Variants in MRC2 observed in about 807,000 individuals in gnomAD.
MRC2 encodes the protein C-type mannose receptor 2.
MRC2 carries 84 observed loss-of-function variants against 206.2 expected under a neutral mutation model. The ratio of observed to expected loss-of-function variants is 0.41; its 90% CI spans 0.34 to 0.49. The LOEUF (loss-of-function observed/expected upper bound fraction) is 0.49. Among genes scored for constraint, MRC2 ranks in the 20% least tolerant of loss-of-function variants. The pLI is 0.31. For missense variants in MRC2, 1,676 were observed against 2,001.5 expected, an observed-to-expected ratio of 0.84 and a Z score of 3.10; for synonymous variants, 798 against 800.0, an observed-to-expected ratio of 1.00 and a Z score of 0.04.
chr17:62,665,703 C>T (rs2088743962), intron 2 of MRC2, among the ~76,000 whole-genome samples: 2 of 152,108 alleles, frequency 1.3e-5, no homozygotes, highest in South Asian at 4.1e-4. Flanking sequence ...GGGGGCCTTT[C>T]CTGGGAGACC....
chr17:62,676,292 G>A, intron 10 of MRC2, 91 bp from the exon 11 acceptor site: 1 of 1,519,992 alleles, frequency 6.6e-7, no homozygotes, highest in Non-Finnish European at 8.8e-7. Flanking sequence ...GTCGGGTGCA[G>A]CACCCGAGCT....
At position 62,643,193 on chromosome 17, in the gene MRC2, C is replaced by T. The variant is rs146142175; in HGVS notation, c.118+15273C>T. The stretch of plus-strand genomic sequence containing the variant: ...AAATACAAAAATTAGCTGGGCATGG[C>T]GGCAGGTGCCTGTAATCTCAGCTAC... On this transcript the variant is annotated intron_variant, in intron 1 of 29. Transcript: ENST00000303375. Among the ~76,000 whole-genome samples, 160 of 151,802 alleles carry T rather than the reference C, an allele frequency of 1.1e-3. 1 individual carries two copies. Among genetic ancestry groups the T allele is most frequent in the African/African-American group, 3.5e-3 (145 of 41,390 alleles).
chr17:62,680,340 T>A lies in MRC2; in HGVS notation c.2437+32T>A. The A allele has an allele frequency of 6.2e-7, 1 of 1,613,306 alleles. No homozygotes were observed. The highest frequency in any genetic ancestry group is 8.5e-7 in the Non-Finnish European group (1 of 1,179,618). On this transcript the variant is annotated intron_variant, in intron 15 of 29. Coordinates refer to ENST00000303375, the MANE Select transcript of MRC2 (RefSeq NM_006039.5). This position sits in a 1 kb window ranked among gnomAD's most constrained non-coding sequence, Gnocchi z 4.8. ...CGGAGTGGCGCTGGGGGACGCGGGA[T>A]GGAGCGAAGGGTGGCGGGGCCAGGA... is the stretch of plus-strand genomic sequence containing the variant.
In MRC2 at chr17:62,643,344, A is replaced by AAAAAAAG. The variant is rs1192303393; in HGVS notation, c.118+15427_118+15428insAAAGAAA. On this transcript the variant is annotated intron_variant, in intron 1 of 29. Transcript: ENST00000303375. ...AACTCCGTCAAAAAAAAAAAAAAAA[A>AAAAAAAG]AAAGAAAAAGAAAAGAAAAAAGAAA... Among the ~76,000 whole-genome samples the AAAAAAAG allele has an allele frequency of 1.1e-4, 16 of 149,932 alleles. No individual in the cohort carries two copies. In the South Asian group the frequency reaches 3.4e-3, roughly 31 times the overall value.
At chr17:62,650,723 G>A (rs552763683) in intron 1 of MRC2, among the ~76,000 whole-genome samples, 5 of 152,298 alleles carry the variant, frequency 3.3e-5, no homozygotes, top group African/African-American at 4.8e-5. Context: ...GCCTGGACGC[G>A]CATGGTTAAT....
chr17:62,678,303 C>T (rs571171119), intron 12 of MRC2, among the ~76,000 whole-genome samples: 6 of 152,308 alleles, frequency 3.9e-5, no homozygotes, highest in Admixed American at 3.3e-4. Flanking sequence ...GGATGGGGCT[C>T]AGGGGCCCTC....
intron 1 of MRC2, among the ~76,000 whole-genome samples, chr17:62,656,938 C>T (rs1395238523): frequency 6.6e-6 from 1 of 152,198 alleles, no homozygotes; most frequent in Admixed American, 6.5e-5. Flanking sequence ...TCGTAGGAAG[C>T]ATGGCCATTG....
intron 12 of MRC2, among the ~76,000 whole-genome samples, chr17:62,677,886 C>A (rs1352997956): frequency 6.6e-6 from 1 of 152,060 alleles, no homozygotes; most frequent in Non-Finnish European, 1.5e-5. Context: ...CCCATCTCTA[C>A]TAAAATACAA....
At chr17:62,690,522 A>C (rs1206794279) in intron 26 of MRC2, 120 bp from the exon 27 acceptor site, 1 of 1,460,706 alleles carries the variant, frequency 6.8e-7, no homozygotes, top group Non-Finnish European at 9.2e-7. Context: ...ACACACATGA[A>C]TCCACAGACT....
rs145186635 is a variant in MRC2, at chr17:62,646,772, C to T, written c.119-17776C>T. 5.1e-3 allele frequency among the ~76,000 whole-genome samples: 770 copies of T among 152,304 alleles called. 3 individuals carry two copies. Among genetic ancestry groups the T allele is most frequent in the African/African-American group, 0.017 (693 of 41,570 alleles). ...ACTCTGCATATATGAGTTCAAGTCC[C>T]GCAGGGTTAAGTTTGAAACAAAGGA... On this transcript the variant is annotated intron_variant, in intron 1 of 29. Coordinates refer to ENST00000303375, the MANE Select transcript of MRC2 (RefSeq NM_006039.5).
chr17:62,690,202 G>A lies in MRC2; in HGVS notation c.3789G>A (p.Gln1263=), dbSNP rs2089089171. ...TAAGCTACCATGGCAGCTGTCCCCA[G>A]GGACTGGCAGACTCCGCGTGGATTC... ...RRISYHGSCP[Q]GLADSAWIPF... The change falls in exon 26 of 30, where the codon CAG becomes CAA. Residue 1263 remains glutamine (Q), a synonymous_variant. Transcript: ENST00000303375. 3.1e-6 allele frequency: 5 copies of A among 1,612,042 alleles called. No individual in the cohort carries two copies. Among genetic ancestry groups the A allele is most frequent in the Non-Finnish European group, 4.2e-6 (5 of 1,178,632 alleles).
rs1279480499 is a variant in MRC2, at chr17:62,664,975, G to A, written c.520+26G>A. ...GTGAGGGGCCGCTTGCAGGCGGGAG[G>A]GTGGGGTCCCCGATGTCCAGGGGAC... On this transcript the variant is annotated intron_variant, in intron 2 of 29. Transcript: ENST00000303375. This position sits in a 1 kb window ranked among gnomAD's most constrained non-coding sequence, Gnocchi z 4.7. 1.3e-6 allele frequency: 2 copies of A among 1,575,018 alleles called. No individual in the cohort carries two copies. Among genetic ancestry groups the A allele is most frequent in the Non-Finnish European group, 1.7e-6 (2 of 1,163,416 alleles).
intron 1 of MRC2, among the ~76,000 whole-genome samples, chr17:62,635,470 C>G (rs2147428978): frequency 6.6e-6 from 1 of 152,146 alleles, no homozygotes. Flanking sequence ...GGAATAAAAC[C>G]AAGACAGACT....
At chr17:62,632,327 C>T (rs2147424174) in intron 1 of MRC2, among the ~76,000 whole-genome samples, 1 of 152,220 alleles carries the variant, frequency 6.6e-6, no homozygotes, top group Admixed American at 6.5e-5. Context: ...TCCCCCTGGC[C>T]CCTCGTCTCT....
intron 28 of MRC2, among the ~76,000 whole-genome samples, chr17:62,691,771 CAA>C (rs549279909): frequency 1.3e-3 from 88 of 65,924 alleles, no homozygotes; most frequent in African/African-American, 4.7e-3. Flanking sequence ...ACCCTGTCTC[CAA>C]AAAAAAAAAA....
rs967926531 is a variant in MRC2, at chr17:62,676,979, C to G, written c.1835-290C>G. Among the ~76,000 whole-genome samples, 4 of 152,380 alleles carry G rather than the reference C, an allele frequency of 2.6e-5. No individual in the cohort carries two copies. The East Asian group carries it at 7.7e-4, about 29-fold the overall frequency. The stretch of plus-strand genomic sequence containing the variant: ...CTTGTTATTACTATTATTACCATTT[C>G]ACATTCATTATCTTTCTAACCCCTT... On this transcript the variant is annotated intron_variant, in intron 11 of 29. Transcript: ENST00000303375.
rs73992031 is a variant in MRC2 at position 62,671,873 on chromosome 17, G to A, written c.1306+36G>A. On this transcript the variant is annotated intron_variant, in intron 7 of 29. Coordinates refer to ENST00000303375, the MANE Select transcript of MRC2 (RefSeq NM_006039.5). This position sits in a 1 kb window ranked among gnomAD's most constrained non-coding sequence, Gnocchi z 4.5. The stretch of plus-strand genomic sequence containing the variant: ...GCCCGCCCACGTGTCTGGGTGGAGG[G>A]CAGGGCCTCCCACTGCCCCACCCAT... 2,039 of 1,586,216 alleles carry A rather than the reference G, an allele frequency of 1.3e-3. 20 individuals carry two copies. The African/African-American group carries it at 0.025, about 19-fold the overall frequency.
Position 62,627,884 on chromosome 17 carries a change from G to T in MRC2, c.82G>T (p.Gly28Cys). 1 of 1,472,226 alleles carries T rather than the reference G, an allele frequency of 6.8e-7. No individual in the cohort carries two copies. The allele number at this position is 1,472,226 out of a possible 1,614,324, so 91.2% of individuals were successfully genotyped here. Residue 28 changes from glycine (G) to cysteine (C), a missense_variant, in exon 1 of 30, where the codon GGC (glycine) becomes TGC (cysteine). Around this residue, in one of 3 missense-constraint regions of MRC2, gnomAD observed 318 missense variants for 346.7 expected, o/e 0.92. Coordinates refer to ENST00000303375, the MANE Select transcript of MRC2 (RefSeq NM_006039.5). ...CVLLLGCLHLGRPGAPGDAAL... is the reference protein window; with the variant it reads ...CVLLLGCLHLCRPGAPGDAAL... ...CCTGCTCCTCGGGTGCCTGCACCTC[G>T]GCCGTCCCGGCGCCCCTGGGGACGC... is the stretch of plus-strand genomic sequence containing the variant.
intron 1 of MRC2, among the ~76,000 whole-genome samples, chr17:62,656,674 G>C (rs1459857768): frequency 6.6e-6 from 1 of 152,214 alleles, no homozygotes; most frequent in East Asian, 1.9e-4. Flanking sequence ...TGGTCTGACA[G>C]GTCAGAGGAG....
Sources: allele counts gnomAD v4.1 joint callset (sites outside exome capture counted in the v4.1 genomes callset), GRCh38; gene constraint gnomAD v4.1.1; regional missense constraint gnomAD v4.1.1; non-coding constraint Gnocchi (gnomAD v3.1); transcripts MANE v1.5; gene names NCBI Gene and HGNC (gene_info 2026-07-23, HGNC 2026-07-21).